Variants in IMMP2L observed in about 807,000 individuals in gnomAD.
IMMP2L encodes the protein inner mitochondrial membrane peptidase subunit 2.
Under a neutral mutation model 19.3 loss-of-function variants are expected in IMMP2L, and 18 were observed. The ratio of observed to expected loss-of-function variants is 0.93; its 90% CI spans 0.64 to 1.38. IMMP2L has a LOEUF of 1.38. Among genes scored for constraint, IMMP2L ranks in the 40% most tolerant of loss-of-function variants. The probability of loss-of-function intolerance (pLI) is 0.00; values close to 1 mark genes in which losing one functional copy is unlikely to be tolerated. For missense variants in IMMP2L, 233 were observed against 218.2 expected (o/e 1.07, Z -0.43); for synonymous variants, 76 against 73.0 (o/e 1.04, Z -0.21).
chr7:110,838,069 C>T (rs930954405), intron 5 of IMMP2L, among the ~76,000 whole-genome samples: 11 of 152,098 alleles, frequency 7.2e-5, no homozygotes, highest in Non-Finnish European at 1.2e-4. Flanking sequence ...TTAAGATATG[C>T]ATTTAACATC....
chr7:111,066,913 T>A (rs1354223056), intron 3 of IMMP2L, among the ~76,000 whole-genome samples: 1 of 152,186 alleles, frequency 6.6e-6, no homozygotes, highest in African/African-American at 2.4e-5. Context: ...ACAGAGGCAA[T>A]CCATCATGTC....
intron 3 of IMMP2L, among the ~76,000 whole-genome samples, chr7:111,443,519 C>A (rs772536913): frequency 7.2e-5 from 11 of 152,146 alleles, no homozygotes; most frequent in Non-Finnish European, 1.6e-4. Flanking sequence ...AGAGCTCAAA[C>A]ATTTATCAAG....
intron 3 of IMMP2L, among the ~76,000 whole-genome samples, chr7:111,273,970 G>A (rs2130386041): frequency 6.6e-6 from 1 of 152,110 alleles, no homozygotes; most frequent in South Asian, 2.1e-4. Context: ...CTAATAACTT[G>A]CCTACAGTTT....
At position 110,760,608 on chromosome 7, in the gene IMMP2L, A is replaced by G. The variant is rs1288659481; in HGVS notation, c.409-96887T>C. 6.6e-6 allele frequency among the ~76,000 whole-genome samples: 1 copy of G among 152,118 alleles called. No individual in the cohort carries two copies. Among genetic ancestry groups the G allele is most frequent in the Non-Finnish European group, 1.5e-5 (1 of 68,016 alleles). On this transcript the variant is annotated intron_variant, in intron 5 of 5. Coordinates refer to ENST00000405709, the MANE Select transcript of IMMP2L (RefSeq NM_032549.4). This position sits in a 1 kb window ranked among gnomAD's most constrained non-coding sequence, Gnocchi z 4.2. ...AAGTTCCTAGAAGATACCAATCCAT[A>G]TTGAAAGGGAGCAACGTGTTGGTTA... is the stretch of plus-strand genomic sequence containing the variant.
chr7:111,440,681 A>G lies in IMMP2L; in HGVS notation c.239+46557T>C, dbSNP rs11971093. 5.7e-3 allele frequency among the ~76,000 whole-genome samples: 865 copies of G among 151,976 alleles called. 29 individuals are homozygous for G. Among genetic ancestry groups the G allele is most frequent in the African/African-American group, 0.019 (799 of 41,266 alleles). ...GACCATTGGCTTCAACTTAAAGTGA[A>G]CAGCTACATTAGCCCCTAACAACAA... On this transcript the variant is annotated intron_variant, in intron 3 of 5. Coordinates refer to ENST00000405709, the MANE Select transcript of IMMP2L (RefSeq NM_032549.4).
At chr7:111,277,571 A>C (rs1236503983) in intron 3 of IMMP2L, among the ~76,000 whole-genome samples, 1 of 151,924 alleles carries the variant, frequency 6.6e-6, no homozygotes, top group Non-Finnish European at 1.5e-5. Flanking sequence ...TCATTTAAAA[A>C]AAAAAAAAAA....
At chr7:111,371,541 C>T (rs1277983911) in intron 3 of IMMP2L, among the ~76,000 whole-genome samples, 1 of 151,962 alleles carries the variant, frequency 6.6e-6, no homozygotes, top group Non-Finnish European at 1.5e-5. Context: ...AGGACTATAG[C>T]ATAGGAGTAC....
chr7:111,002,584 T>C (rs1563149948), intron 3 of IMMP2L, among the ~76,000 whole-genome samples: 1 of 152,156 alleles, frequency 6.6e-6, no homozygotes, highest in Non-Finnish European at 1.5e-5. Flanking sequence ...AGGGGAGTTA[T>C]GGGATGGGAT....
At chr7:111,522,894 C>T (rs1327897896) in intron 1 of IMMP2L, among the ~76,000 whole-genome samples, 2 of 133,182 alleles carry the variant, frequency 1.5e-5, no homozygotes, top group African/African-American at 3.2e-5. Flanking sequence ...AAGTGTCCAT[C>T]AATGGATGAA....
At chr7:110,731,833 A>G (rs1322200224) in intron 5 of IMMP2L, among the ~76,000 whole-genome samples, 2 of 152,208 alleles carry the variant, frequency 1.3e-5, no homozygotes, top group Admixed American at 6.5e-5. Context: ...ATTATAATCT[A>G]TTAATCATTC....
chr7:111,410,982 C>A (rs1426012977), intron 3 of IMMP2L, among the ~76,000 whole-genome samples: 1 of 150,306 alleles, frequency 6.7e-6, no homozygotes, highest in Non-Finnish European at 1.5e-5. Flanking sequence ...AGAAAACATG[C>A]CCCCAATTTT....
rs1405630071 is a variant in IMMP2L at position 111,364,029 on chromosome 7, TA to T, written c.239+123208del. Among the ~76,000 whole-genome samples the T allele has an allele frequency of 3.3e-5, 5 of 152,154 alleles. No homozygotes were observed. In the East Asian group the frequency reaches 5.8e-4, roughly 18 times the overall value. On this transcript the variant is annotated intron_variant, in intron 3 of 5. Coordinates refer to ENST00000405709, the MANE Select transcript of IMMP2L (RefSeq NM_032549.4). ...CCCCACACACACACATCTACCCCTT[TA>T]TACACATACAATGGGCAAAGGTTAT...
chr7:111,050,333 G>T (rs1792883973), intron 3 of IMMP2L, among the ~76,000 whole-genome samples: 1 of 152,134 alleles, frequency 6.6e-6, no homozygotes, highest in African/African-American at 2.4e-5. Context: ...AAACTTGGGA[G>T]AAATTGTATC....
chr7:111,379,130 G>A (rs367601421), intron 3 of IMMP2L, among the ~76,000 whole-genome samples: 3 of 148,958 alleles, frequency 2.0e-5, no homozygotes, highest in Admixed American at 6.8e-5. Context: ...AACACAATAC[G>A]TGACATTTGT....
intron 3 of IMMP2L, among the ~76,000 whole-genome samples, chr7:111,066,893 G>A (rs1794556900): frequency 6.6e-6 from 1 of 152,186 alleles, no homozygotes; most frequent in Non-Finnish European, 1.5e-5. Context: ...CCTAGAGACT[G>A]AGATCAACCA....
intron 3 of IMMP2L, among the ~76,000 whole-genome samples, chr7:111,047,852 C>A (rs1480382937): frequency 6.6e-6 from 1 of 152,162 alleles, no homozygotes; most frequent in Non-Finnish European, 1.5e-5. Context: ...GCATTGTACT[C>A]AGCCCAATTC....
chr7:111,439,044 C>T (rs1457727669), intron 3 of IMMP2L, among the ~76,000 whole-genome samples: 1 of 151,798 alleles, frequency 6.6e-6, no homozygotes, highest in Non-Finnish European at 1.5e-5. Context: ...GAAATCAAGC[C>T]GGGGTCCAGC....
At chr7:111,464,431 T>G (rs1208304770) in intron 3 of IMMP2L, among the ~76,000 whole-genome samples, 1 of 152,186 alleles carries the variant, frequency 6.6e-6, no homozygotes, top group Non-Finnish European at 1.5e-5. Context: ...TACAGTGAGC[T>G]ATGACCATGC....
At chr7:111,338,082 AG>A (rs1043513430) in intron 3 of IMMP2L, among the ~76,000 whole-genome samples, 1 of 152,144 alleles carries the variant, frequency 6.6e-6, no homozygotes, top group Non-Finnish European at 1.5e-5. Flanking sequence ...GAAGAAGGCA[AG>A]GGCAGAAGCA....
Sources: gnomAD v4.1 joint callset for allele counts (sites outside exome capture counted in the v4.1 genomes callset) on GRCh38, gnomAD v4.1.1 for gene constraint, Gnocchi (gnomAD v3.1) non-coding constraint, MANE v1.5 for transcripts, NCBI Gene and HGNC (gene_info 2026-07-23, HGNC 2026-07-21) for gene names.